Variants in NEBL observed in about 807,000 individuals in gnomAD.
The protein encoded by NEBL is LIM and SH3 protein 2.
In NEBL, 122 loss-of-function variants were observed where a neutral mutation model predicts 140.2. The ratio of observed to expected loss-of-function variants is 0.87; its 90% confidence interval spans 0.75 to 1.01. The LOEUF (loss-of-function observed/expected upper bound fraction) is 1.01. NEBL is among the 50% of genes least tolerant of loss of function. The probability of loss-of-function intolerance (pLI) is 0.00; values close to 1 mark genes in which losing one functional copy is unlikely to be tolerated. For missense variants in NEBL, 1,365 were observed against 1,231.3 expected, an observed-to-expected ratio of 1.11 and a Z score of -1.62; for synonymous variants, 436 against 398.9, an observed-to-expected ratio of 1.09 and a Z score of -1.11.
intron 1 of NEBL, among the ~76,000 whole-genome samples, chr10:21,289,020 G>C (rs558150072): frequency 1.7e-4 from 25 of 149,948 alleles, no homozygotes; most frequent in Non-Finnish European, 3.1e-4. Context: ...GCTAATTTTT[G>C]TATTTTTTAG....
intron 26 of NEBL, among the ~76,000 whole-genome samples, chr10:20,796,367 G>C (rs368555996): frequency 1.9e-5 from 1 of 51,518 alleles, no homozygotes; most frequent in Non-Finnish European, 3.7e-5. Flanking sequence ...TCTAAAACAA[G>C]AAAAAAAAAA....
At chr10:21,246,222 T>C (rs1842515228) in intron 3 of NEBL, among the ~76,000 whole-genome samples, 1 of 152,218 alleles carries the variant, frequency 6.6e-6, no homozygotes, top group Admixed American at 6.5e-5. Context: ...AAAAAATATT[T>C]GTTCTACCAA....
At chr10:21,030,547 T>A (rs1833736236) in intron 2 of NEBL, 15 of 768,982 alleles carry the variant, frequency 2.0e-5, no homozygotes, top group South Asian at 1.9e-4. Flanking sequence ...TCCTGCTCCA[T>A]CTCAGAGCTC....
At chr10:20,827,882 T>C (rs1046844552) in intron 17 of NEBL, among the ~76,000 whole-genome samples, 2 of 151,702 alleles carry the variant, frequency 1.3e-5, no homozygotes, top group Non-Finnish European at 2.9e-5. Context: ...TGAGAACACA[T>C]GGACACACAG....
At chr10:21,183,327 G>T (rs897288832) in intron 3 of NEBL, among the ~76,000 whole-genome samples, 1 of 152,148 alleles carries the variant, frequency 6.6e-6, no homozygotes, top group African/African-American at 2.4e-5. Context: ...AAAGAAAGGC[G>T]TGAGGACAAA....
chr10:20,903,556 A>G (rs532584375), intron 4 of NEBL, among the ~76,000 whole-genome samples: 113 of 152,324 alleles, frequency 7.4e-4, no homozygotes, highest in African/African-American at 2.6e-3. Context: ...TCAAAAAGAC[A>G]TCTGCATGTG....
chr10:21,054,053 AAAAAG>A (rs1168401873), intron 2 of NEBL, among the ~76,000 whole-genome samples: 2 of 151,940 alleles, frequency 1.3e-5, no homozygotes, highest in East Asian at 3.9e-4. Context: ...ACAAAAAACA[AAAAAG>A]AAGTATGCCT....
intron 2 of NEBL, among the ~76,000 whole-genome samples, chr10:21,032,379 G>C (rs1833836242): frequency 6.6e-6 from 1 of 152,174 alleles, no homozygotes; most frequent in Admixed American, 6.5e-5. Flanking sequence ...CTATAAGCCT[G>C]ATATTCTTCT....
chr10:21,087,486 A>G (rs935763124), intron 2 of NEBL, among the ~76,000 whole-genome samples: 4 of 152,066 alleles, frequency 2.6e-5, no homozygotes, highest in Non-Finnish European at 4.4e-5. Context: ...CTTTTTTCAG[A>G]CTTTCTCTTC....
chr10:20,826,508 G>A lies in NEBL; in HGVS notation c.1808C>T (p.Thr603Ile). 3 of 1,612,696 alleles carry A rather than the reference G, an allele frequency of 1.9e-6. No individual in the cohort carries two copies. Among genetic ancestry groups the A allele is most frequent in the South Asian group, 1.1e-5 (1 of 91,038 alleles). The change falls in exon 18 of 28, where the codon ACT becomes ATT. Residue 603 changes from threonine to isoleucine, a missense_variant. Around this residue, in one of 2 missense-constraint regions of NEBL, gnomAD observed 1,323 missense variants for 1,154.8 expected, o/e 1.15. Coordinates refer to ENST00000377122, the MANE Select transcript of NEBL (RefSeq NM_006393.3). Reference sequence around the variant, plus strand: ...GATCTCTGGGCTATCTTTCACTGCAGTGCCAGCTCCCACTTCTTTCTTATA... The same window carrying A: ...GATCTCTGGGCTATCTTTCACTGCAATGCCAGCTCCCACTTCTTTCTTATA... The part of the protein sequence containing the change: ...VFYKKEVGAG[T>I]AVKDSPEIER...
upstream of NEBL, among the ~76,000 whole-genome samples, chr10:20,898,724 G>A (rs578104659): frequency 1.4e-4 from 21 of 152,204 alleles, no homozygotes; most frequent in East Asian, 2.5e-3. Flanking sequence ...GCTTAACCTC[G>A]TGTTCCCCTG....
chr10:21,287,742 C>T (rs1843077330), intron 1 of NEBL, among the ~76,000 whole-genome samples: 1 of 151,922 alleles, frequency 6.6e-6, no homozygotes, highest in Non-Finnish European at 1.5e-5. Flanking sequence ...TTGGCAAAAT[C>T]AAGACTGAAA....
intron 4 of NEBL, among the ~76,000 whole-genome samples, chr10:20,906,143 C>A (rs1848082768): frequency 6.6e-6 from 1 of 152,116 alleles, no homozygotes; most frequent in Admixed American, 6.5e-5. Context: ...ATTATGTAGA[C>A]CCTGAAATAA....
intron 3 of NEBL, among the ~76,000 whole-genome samples, chr10:21,224,170 C>T (rs1450337370): frequency 6.6e-6 from 1 of 152,108 alleles, no homozygotes; most frequent in Non-Finnish European, 1.5e-5. Context: ...GTTTTTAATC[C>T]ATTTTGATTT....
At chr10:21,094,494 C>T (rs56325502) in intron 2 of NEBL, among the ~76,000 whole-genome samples, 2,306 of 106,826 alleles carry the variant, frequency 0.022, 79 homozygotes, top group African/African-American at 0.09. Context: ...AGCGAGACTC[C>T]GTCTCAAAAA....
chr10:20,817,998 G>A (rs2130818596), intron 20 of NEBL, among the ~76,000 whole-genome samples: 1 of 152,250 alleles, frequency 6.6e-6, no homozygotes, highest in South Asian at 2.1e-4. Flanking sequence ...AGAAACGCCA[G>A]AATGAAGTCA....
intron 3 of NEBL, among the ~76,000 whole-genome samples, chr10:21,200,905 G>A (rs1405627455): frequency 6.6e-6 from 1 of 152,012 alleles, no homozygotes; most frequent in African/African-American, 2.4e-5. Flanking sequence ...AGCAGCCTGG[G>A]CAACAGAGAG....
At chr10:21,214,042 T>C (rs1841953912) in intron 3 of NEBL, among the ~76,000 whole-genome samples, 1 of 152,168 alleles carries the variant, frequency 6.6e-6, no homozygotes, top group African/African-American at 2.4e-5. Context: ...TCTTGAATGA[T>C]GATAATACAG....
intron 12 of NEBL, among the ~76,000 whole-genome samples, chr10:20,841,067 T>A (rs1376256124): frequency 6.6e-6 from 1 of 152,112 alleles, no homozygotes; most frequent in African/African-American, 2.4e-5. Flanking sequence ...TTCCTTTTCA[T>A]ACTTTCTGTC....
Sources: gnomAD v4.1 joint callset for allele counts (sites outside exome capture counted in the v4.1 genomes callset) on GRCh38, gnomAD v4.1.1 for gene constraint, gnomAD v4.1.1 regional missense constraint, MANE v1.5 for transcripts, NCBI Gene and HGNC (gene_info 2026-07-23, HGNC 2026-07-21) for gene names.